The following CLASP2 variants were observed in gnomAD, a reference collection of about 807,000 sequenced individuals.
The protein encoded by CLASP2 is CLIP-associating protein 2.
In CLASP2, 47 loss-of-function variants were observed where a neutral mutation model predicts 194.4. The observed-to-expected ratio is 0.24, with a 90% CI of 0.19 to 0.31. The LOEUF (loss-of-function observed/expected upper bound fraction) is 0.31, where lower values mean the gene tolerates loss of function less well. Among genes scored for constraint, CLASP2 ranks in the 10% least tolerant of loss-of-function variants. The pLI is 1.00. For missense variants in CLASP2, 1,445 were observed against 1,823.6 expected (o/e 0.79, Z 3.78); for synonymous variants, 619 against 633.5 (o/e 0.98, Z 0.34).
intron 36 of CLASP2, among the ~76,000 whole-genome samples, chr3:33,511,138 T>C (rs2049637155): frequency 6.6e-6 from 1 of 151,410 alleles, no homozygotes; most frequent in South Asian, 2.1e-4. Context: ...GCTCAAGTGA[T>C]ACTCTCACCT....
At chr3:33,698,093 T>C (rs957181898) in intron 1 of CLASP2, among the ~76,000 whole-genome samples, 1 of 152,142 alleles carries the variant, frequency 6.6e-6, no homozygotes, top group Non-Finnish European at 1.5e-5. Context: ...AAGTATCTCT[T>C]GGTGGTACAG....
intron 8 of CLASP2, among the ~76,000 whole-genome samples, chr3:33,637,479 A>T (rs549294187): frequency 9.8e-5 from 15 of 152,318 alleles, no homozygotes; most frequent in African/African-American, 3.4e-4. Context: ...GGTTGCAGTG[A>T]GCCGAGATCA....
chr3:33,612,271 C>A (rs1234495559), intron 12 of CLASP2, among the ~76,000 whole-genome samples, 200 bp from the exon 13 acceptor site: 1 of 152,134 alleles, frequency 6.6e-6, no homozygotes, highest in African/African-American at 2.4e-5. Flanking sequence ...TTCAAAAGGA[C>A]AGGTATGGAT....
At chr3:33,523,083 A>G (rs1475342618) in intron 34 of CLASP2, among the ~76,000 whole-genome samples, 1 of 152,206 alleles carries the variant, frequency 6.6e-6, no homozygotes, top group East Asian at 1.9e-4. Context: ...CTCAAAAACA[A>G]AAAACAAACA....
chr3:33,576,566 C>T, intron 23 of CLASP2: 2 of 341,568 alleles, frequency 5.9e-6, no homozygotes, highest in Non-Finnish European at 1.1e-5. Flanking sequence ...GTCTATAGCC[C>T]TGTAATCCAG....
Position 33,573,150 on chromosome 3 carries a change from G to C in CLASP2, c.2659C>G (p.Leu887Val), listed in dbSNP as rs760226798. The change falls in exon 25 of 39, where the codon CTA becomes GTA. Residue 887 changes from leucine (L) to valine (V), a missense_variant. Leu to Val is a conservative substitution (Grantham distance 32, BLOSUM62 1). Transcript: ENST00000682230. ...SNWSERKEGL[L>V]GLQNLLKNQR... ...TTTTTTAATAAGTTCTGCAGACCTA[G>C]GAGGCCTTCTTTCCTTTCTGACCAA... is the stretch of plus-strand genomic sequence containing the variant. 6.2e-7 allele frequency: 1 copy of C among 1,613,648 alleles called. No individual in the cohort carries two copies. Among genetic ancestry groups the C allele is most frequent in the Non-Finnish European group, 8.5e-7 (1 of 1,179,730 alleles).
chr3:33,672,238 G>A (rs997491185), intron 6 of CLASP2, among the ~76,000 whole-genome samples: 1 of 152,160 alleles, frequency 6.6e-6, no homozygotes, highest in African/African-American at 2.4e-5. Context: ...GGACTCCTCT[G>A]AGACAAAACT....
At chr3:33,671,160 G>C (rs2087110047) in intron 6 of CLASP2, among the ~76,000 whole-genome samples, 1 of 152,062 alleles carries the variant, frequency 6.6e-6, no homozygotes, top group Admixed American at 6.5e-5. Flanking sequence ...GTGAGAGGAG[G>C]GTGGGAAACA....
At chr3:33,507,970 A>ATATG (rs1553701271) in intron 37 of CLASP2, among the ~76,000 whole-genome samples, 13 of 149,098 alleles carry the variant, frequency 8.7e-5, no homozygotes, top group Non-Finnish European at 1.9e-4. Context: ...ATATATATAT[A>ATATG]TGTGTGTGTG....
chr3:33,511,757 G>C (rs1335676079), intron 36 of CLASP2, among the ~76,000 whole-genome samples: 1 of 66,144 alleles, frequency 1.5e-5, no homozygotes, highest in Non-Finnish European at 3.2e-5. Flanking sequence ...GACATGAACA[G>C]ACACTTCTCA....
At chr3:33,714,305 T>C (rs2093182024) in intron 1 of CLASP2, among the ~76,000 whole-genome samples, 1 of 152,192 alleles carries the variant, frequency 6.6e-6, no homozygotes, top group Non-Finnish European at 1.5e-5. Flanking sequence ...CTACATATAT[T>C]ACATATATGC....
intron 6 of CLASP2, among the ~76,000 whole-genome samples, chr3:33,677,744 G>A (rs368629694): frequency 4.0e-5 from 6 of 149,472 alleles, no homozygotes; most frequent in East Asian, 2.0e-4. Context: ...TCTAACACAC[G>A]TGGGGCTTGC....
intron 8 of CLASP2, among the ~76,000 whole-genome samples, chr3:33,635,524 TAGG>T (rs1421619901): frequency 6.6e-6 from 1 of 152,084 alleles, no homozygotes; most frequent in African/African-American, 2.4e-5. Context: ...CTGAAATAAC[TAGG>T]AGAATTAGGT....
chr3:33,589,766 G>A (rs551201628), intron 21 of CLASP2, among the ~76,000 whole-genome samples: 109 of 152,050 alleles, frequency 7.2e-4, no homozygotes, highest in Non-Finnish European at 1.0e-3. Flanking sequence ...CCAGTGAAGT[G>A]ATCCTTACTT....
At chr3:33,501,947 C>T in intron 37 of CLASP2, 179 bp from the exon 38 acceptor site, 1 of 552,278 alleles carries the variant, frequency 1.8e-6, no homozygotes, top group Non-Finnish European at 3.2e-6. Context: ...TCTCTCCCTT[C>T]ACTTCCCCTA....
chr3:33,541,550 C>A (rs754877408), intron 32 of CLASP2, among the ~76,000 whole-genome samples: 4 of 152,106 alleles, frequency 2.6e-5, no homozygotes, highest in Non-Finnish European at 5.9e-5. Flanking sequence ...GTGTTTTCAT[C>A]ATTTAGCTCC....
At chr3:33,603,341 T>C (rs1404888363) in intron 17 of CLASP2, among the ~76,000 whole-genome samples, 3 of 152,218 alleles carry the variant, frequency 2.0e-5, no homozygotes, top group Non-Finnish European at 2.9e-5. Flanking sequence ...CTCTACCTTA[T>C]TTCTCTCCCA....
intron 34 of CLASP2, among the ~76,000 whole-genome samples, chr3:33,529,984 CAAAAAA>C (rs1169927619): frequency 3.1e-5 from 1 of 32,242 alleles, no homozygotes; most frequent in African/African-American, 1.0e-4. Context: ...GACTCCGTCT[CAAAAAA>C]AAAAAAAAAA....
intron 29 of CLASP2, among the ~76,000 whole-genome samples, chr3:33,555,823 C>G (rs1163173377): frequency 2.6e-5 from 4 of 152,156 alleles, no homozygotes. Flanking sequence ...TGAGATTCAA[C>G]TAGTGCAGTG....
Sources: gnomAD v4.1 joint callset for allele counts (sites outside exome capture counted in the v4.1 genomes callset) on GRCh38, gnomAD v4.1.1 for gene constraint, MANE v1.5 for transcripts, NCBI Gene and HGNC (gene_info 2026-07-23, HGNC 2026-07-21) for gene names.